The following SEL1L2 variants were observed in gnomAD, a reference collection of about 807,000 sequenced individuals.
SEL1L2 encodes the protein SEL1L2 adaptor subunit of SYVN1 ubiquitin ligase.
Under a neutral mutation model 98.8 loss-of-function variants are expected in SEL1L2, and 89 were observed. The observed-to-expected ratio is 0.90, with a 90% confidence interval of 0.76 to 1.07. The LOEUF (loss-of-function observed/expected upper bound fraction) is 1.07. Among genes scored for constraint, SEL1L2 ranks in the 50% least tolerant of loss-of-function variants. The pLI, the probability that SEL1L2 is intolerant of heterozygous loss-of-function variation, is 0.00. For missense variants in SEL1L2, 788 were observed against 812.0 expected, an observed-to-expected ratio of 0.97 and a Z score of 0.36; for synonymous variants, 262 against 278.5, an observed-to-expected ratio of 0.94 and a Z score of 0.59.
At chr20:13,861,377 C>A (rs569449459) in intron 17 of SEL1L2, among the ~76,000 whole-genome samples, 1 of 151,968 alleles carries the variant, frequency 6.6e-6, no homozygotes, top group African/African-American at 2.4e-5. Context: ...AAATCCTGGG[C>A]TCAAGCGATC....
chr20:13,979,095 C>T (rs778576004), intron 1 of SEL1L2, among the ~76,000 whole-genome samples: 8 of 151,982 alleles, frequency 5.3e-5, no homozygotes, highest in East Asian at 1.9e-4. Flanking sequence ...AGAATGTAAT[C>T]GTCATTTTTG....
At chr20:13,957,720 A>G (rs117742382) in intron 1 of SEL1L2, among the ~76,000 whole-genome samples, 2 of 152,156 alleles carry the variant, frequency 1.3e-5, no homozygotes, top group African/African-American at 2.4e-5. Flanking sequence ...TCTACAAAAA[A>G]TGCAAAAATT....
chr20:13,983,474 T>C (rs1030995903), intron 1 of SEL1L2, among the ~76,000 whole-genome samples: 1 of 152,116 alleles, frequency 6.6e-6, no homozygotes, highest in Non-Finnish European at 1.5e-5. Flanking sequence ...ATTTTACCTA[T>C]GAATCTTAGG....
intron 1 of SEL1L2, among the ~76,000 whole-genome samples, chr20:13,976,345 G>C (rs2051537579): frequency 1.3e-5 from 2 of 151,994 alleles, no homozygotes; most frequent in African/African-American, 4.8e-5. Flanking sequence ...TTTTAAAGAG[G>C]AAGTAGAACT....
intron 1 of SEL1L2, among the ~76,000 whole-genome samples, chr20:13,984,719 CCTTTT>C (rs1212084866): frequency 6.7e-6 from 1 of 148,288 alleles, no homozygotes; most frequent in Non-Finnish European, 1.5e-5. Context: ...CCTCTTCTTT[CCTTTT>C]TTCTTTCTTT....
chr20:13,868,666 C>T (rs1237281160), intron 14 of SEL1L2, among the ~76,000 whole-genome samples: 1 of 148,180 alleles, frequency 6.7e-6, no homozygotes, highest in African/African-American at 2.5e-5. Flanking sequence ...AATGCAGTGG[C>T]GTGATCTAGG....
intron 2 of SEL1L2, among the ~76,000 whole-genome samples, chr20:13,940,569 G>A (rs1052595771): frequency 2.0e-5 from 3 of 152,188 alleles, no homozygotes; most frequent in African/African-American, 4.8e-5. Context: ...TAGGAGACAA[G>A]CTCTGATTGA....
intron 5 of SEL1L2, among the ~76,000 whole-genome samples, chr20:13,894,765 A>G (rs1308244610): frequency 2.0e-5 from 3 of 152,332 alleles, no homozygotes; most frequent in East Asian, 1.9e-4. Context: ...TAATTGCTGG[A>G]AAAATACAAC....
intron 5 of SEL1L2, among the ~76,000 whole-genome samples, chr20:13,906,534 C>T (rs956800145): frequency 6.6e-6 from 1 of 152,060 alleles, no homozygotes; most frequent in Non-Finnish European, 1.5e-5. Context: ...ACAAAAAGAA[C>T]ATTAACATCA....
At chr20:13,985,214 C>G (rs1364584603) in intron 1 of SEL1L2, among the ~76,000 whole-genome samples, 2 of 152,106 alleles carry the variant, frequency 1.3e-5, no homozygotes, top group Admixed American at 1.3e-4. Flanking sequence ...ACCCATTGCT[C>G]CCAGGATAAA....
intron 18 of SEL1L2, among the ~76,000 whole-genome samples, chr20:13,858,670 A>T (rs138896205): frequency 6.6e-6 from 1 of 152,246 alleles, no homozygotes; most frequent in Non-Finnish European, 1.5e-5. Context: ...TGTCTAAGAG[A>T]TTTACTCAAT....
chr20:13,896,512 C>G (rs2047434397), intron 5 of SEL1L2, among the ~76,000 whole-genome samples: 1 of 149,416 alleles, frequency 6.7e-6, no homozygotes, highest in Non-Finnish European at 1.5e-5. Context: ...CAACTCCCCC[C>G]CCCCCCACAC....
chr20:13,922,442 C>T (rs1472054578), intron 3 of SEL1L2, among the ~76,000 whole-genome samples: 1 of 152,114 alleles, frequency 6.6e-6, no homozygotes, highest in Non-Finnish European at 1.5e-5. Flanking sequence ...CGTTATTCTT[C>T]TTCCACATCT....
intron 17 of SEL1L2, among the ~76,000 whole-genome samples, chr20:13,860,215 C>G (rs1253815486): frequency 2.6e-5 from 4 of 152,108 alleles, no homozygotes; most frequent in Non-Finnish European, 5.9e-5. Flanking sequence ...AAAATAAACC[C>G]TCTCTTTATC....
chr20:13,943,310 T>C (rs1285862042), intron 2 of SEL1L2, among the ~76,000 whole-genome samples: 1 of 152,244 alleles, frequency 6.6e-6, no homozygotes, highest in Non-Finnish European at 1.5e-5. Context: ...AAGATTTATA[T>C]TAACTGCTAA....
intron 1 of SEL1L2, among the ~76,000 whole-genome samples, chr20:13,962,212 A>G (rs2050812174): frequency 6.6e-6 from 1 of 152,214 alleles, no homozygotes; most frequent in Admixed American, 6.5e-5. Flanking sequence ...TTGTATTCAC[A>G]TCGCTTTGCA....
At chr20:13,986,376 T>C (rs2052184540) in intron 1 of SEL1L2, among the ~76,000 whole-genome samples, 1 of 152,220 alleles carries the variant, frequency 6.6e-6, no homozygotes, top group South Asian at 2.1e-4. Flanking sequence ...AAGTACACTC[T>C]GTACCCATTA....
At chr20:13,954,907 C>T (rs1015359774) in intron 2 of SEL1L2, among the ~76,000 whole-genome samples, 1 of 152,172 alleles carries the variant, frequency 6.6e-6, no homozygotes, top group African/African-American at 2.4e-5. Flanking sequence ...CTGCTAATAA[C>T]AATCCCACTG....
intron 6 of SEL1L2, 106 bp downstream of exon 6, chr20:13,888,353 C>A: frequency 2.6e-6 from 2 of 762,982 alleles, no homozygotes; most frequent in South Asian, 1.7e-5. Context: ...TTGGTGTTTT[C>A]AACTACTACA....
Sources: gnomAD v4.1 joint callset for allele counts (sites outside exome capture counted in the v4.1 genomes callset) on GRCh38, gnomAD v4.1.1 for gene constraint, MANE v1.5 for transcripts, NCBI Gene and HGNC (gene_info 2026-07-23, HGNC 2026-07-21) for gene names.